The following MAP3K5 variants were observed in gnomAD, a reference collection of about 807,000 sequenced individuals.
MAP3K5 encodes ASK-1.
MAP3K5 carries 56 observed loss-of-function variants against 158.7 expected under a neutral mutation model. The observed-to-expected ratio is 0.35, with a 90% confidence interval of 0.28 to 0.44. The LOEUF (loss-of-function observed/expected upper bound fraction) is 0.44. MAP3K5 is among the 20% of genes least tolerant of loss of function. MAP3K5 has a pLI of 1.00. For missense variants in MAP3K5, 1,294 were observed against 1,674.8 expected, an observed-to-expected ratio of 0.77 and a Z score of 3.97; for synonymous variants, 579 against 601.7, an observed-to-expected ratio of 0.96 and a Z score of 0.55.
At chr6:136,679,319 T>G (rs966641817) in intron 7 of MAP3K5, among the ~76,000 whole-genome samples, 6 of 152,246 alleles carry the variant, frequency 3.9e-5, no homozygotes, top group Non-Finnish European at 7.3e-5. Flanking sequence ...GAATATGTAC[T>G]TTCCAACAAA....
At chr6:136,705,887 C>T (rs941472660) in intron 2 of MAP3K5, among the ~76,000 whole-genome samples, 4 of 151,944 alleles carry the variant, frequency 2.6e-5, no homozygotes, top group Non-Finnish European at 5.9e-5. Context: ...TATTGGCCAC[C>T]GGCAAATCCA....
At chr6:136,778,456 T>G (rs565649186) in intron 1 of MAP3K5, among the ~76,000 whole-genome samples, 3 of 152,210 alleles carry the variant, frequency 2.0e-5, no homozygotes, top group Non-Finnish European at 4.4e-5. Context: ...TAATCTTGCA[T>G]GTTGTAGGCT....
At chr6:136,626,153 T>C (rs1485217553) in intron 14 of MAP3K5, among the ~76,000 whole-genome samples, 1 of 152,176 alleles carries the variant, frequency 6.6e-6, no homozygotes, top group Non-Finnish European at 1.5e-5. Context: ...GGGTGGAGCA[T>C]GTCCCTACCA....
intron 8 of MAP3K5, among the ~76,000 whole-genome samples, chr6:136,660,301 C>A (rs1260527724): frequency 6.6e-6 from 1 of 151,984 alleles, no homozygotes; most frequent in African/African-American, 2.4e-5. Flanking sequence ...CCTGTAACCC[C>A]AGCACTTCGG....
intron 8 of MAP3K5, among the ~76,000 whole-genome samples, chr6:136,661,201 T>A (rs1394627661): frequency 6.6e-6 from 1 of 152,226 alleles, no homozygotes; most frequent in African/African-American, 2.4e-5. Context: ...AAATAACATT[T>A]AAAATTTTTC....
At position 136,605,274 on chromosome 6, in the gene MAP3K5, T is replaced by C. The variant is rs1776053608; in HGVS notation, c.2614A>G (p.Ile872Val). 2 of 1,614,170 alleles carry C rather than the reference T, an allele frequency of 1.2e-6. No homozygotes were observed. Among genetic ancestry groups the C allele is most frequent in the Non-Finnish European group, 8.5e-7 (1 of 1,179,986 alleles). ...ADIWSLGCTIIEMATGKPPFY... is the reference protein window; with the variant it reads ...ADIWSLGCTIVEMATGKPPFY... ...GGGGGTTTTCCTGTGGCCATTTCAA[T>C]GATTGTACAGCCCAGAGACCAGATG... is the stretch of plus-strand genomic sequence containing the variant. The change falls in exon 19 of 30, where the codon ATT becomes GTT. Residue 872 changes from isoleucine (I) to valine (V), a missense_variant. By Grantham distance (29) the Ile-to-Val change is conservative. Around this residue, in one of 5 missense-constraint regions of MAP3K5, gnomAD observed 362 missense variants for 463.2 expected, o/e 0.78. Coordinates refer to ENST00000359015, the MANE Select transcript of MAP3K5 (RefSeq NM_005923.4).
intron 7 of MAP3K5, among the ~76,000 whole-genome samples, chr6:136,680,191 G>C (rs1247076330): frequency 2.6e-5 from 4 of 152,056 alleles, no homozygotes; most frequent in Non-Finnish European, 5.9e-5. Context: ...GGAGAGAATG[G>C]GCAACTGTTG....
At chr6:136,763,985 T>A (rs1051705105) in intron 1 of MAP3K5, among the ~76,000 whole-genome samples, 6 of 152,184 alleles carry the variant, frequency 3.9e-5, no homozygotes. Flanking sequence ...CCCCTTGACC[T>A]TGGACTTCTC....
At chr6:136,723,068 T>G (rs1361004248) in intron 1 of MAP3K5, among the ~76,000 whole-genome samples, 1 of 152,096 alleles carries the variant, frequency 6.6e-6, no homozygotes, top group Non-Finnish European at 1.5e-5. Context: ...TGGAATTTAC[T>G]CTGAGAAAAT....
chr6:136,568,496 T>C (rs906174049), intron 25 of MAP3K5, among the ~76,000 whole-genome samples: 4 of 152,210 alleles, frequency 2.6e-5, no homozygotes, highest in Non-Finnish European at 4.4e-5. Flanking sequence ...TGACTAACCA[T>C]TGAAATTTAA....
chr6:136,637,372 T>G lies in MAP3K5; in HGVS notation c.1969A>C (p.Lys657Gln). Reference sequence around the variant, plus strand: ...TCTCCTTCCTCTGTGCTTCTCCCCTTCTCTTCGGTAATGGTGTTCACCATC... The same window carrying G: ...TCTCCTTCCTCTGTGCTTCTCCCCTGCTCTTCGGTAATGGTGTTCACCATC... The part of the protein sequence containing the change: ...FEMVNTITEE[K>Q]GRSTEEGDCE... Residue 657 changes from lysine (K) to glutamine (Q), a missense_variant, in exon 14 of 30, where the codon AAG (lysine) becomes CAG (glutamine). Physicochemically the swap from Lys to Gln is moderately conservative, Grantham distance 53. This residue lies in a region of MAP3K5 where 690 missense variants were observed against 870.5 expected (regional missense o/e 0.79). Coordinates refer to ENST00000359015, the MANE Select transcript of MAP3K5 (RefSeq NM_005923.4). 6.2e-7 allele frequency: 1 copy of G among 1,612,108 alleles called. No homozygotes were observed. The highest frequency in any genetic ancestry group is 8.5e-7 in the Non-Finnish European group (1 of 1,178,220).
At chr6:136,661,544 A>T (rs1779006358) in intron 8 of MAP3K5, among the ~76,000 whole-genome samples, 1 of 152,030 alleles carries the variant, frequency 6.6e-6, no homozygotes, top group South Asian at 2.1e-4. Context: ...TACAGGCATG[A>T]GCCACCACAC....
chr6:136,685,914 G>A (rs535020469), intron 7 of MAP3K5, among the ~76,000 whole-genome samples: 1 of 152,298 alleles, frequency 6.6e-6, no homozygotes, highest in Non-Finnish European at 1.5e-5. Context: ...GACAGGGCAG[G>A]TTTCCTTCTT....
At chr6:136,622,431 G>A (rs368949250) in intron 15 of MAP3K5, among the ~76,000 whole-genome samples, 4 of 152,242 alleles carry the variant, frequency 2.6e-5, no homozygotes, top group African/African-American at 7.2e-5. Flanking sequence ...CTTCACGGAC[G>A]AATCCAAGAA....
chr6:136,565,800 G>A (rs936961457), intron 26 of MAP3K5, among the ~76,000 whole-genome samples: 2 of 152,184 alleles, frequency 1.3e-5, no homozygotes, highest in African/African-American at 4.8e-5. Context: ...AATCATGCAT[G>A]AAGCAAACAT....
intron 1 of MAP3K5, among the ~76,000 whole-genome samples, chr6:136,723,429 T>C (rs980439649): frequency 2.6e-5 from 4 of 152,190 alleles, no homozygotes; most frequent in East Asian, 1.9e-4. Flanking sequence ...TTCATGTATA[T>C]ATCCATGTGC....
chr6:136,775,233 T>C (rs891271292), intron 1 of MAP3K5, among the ~76,000 whole-genome samples: 1 of 152,224 alleles, frequency 6.6e-6, no homozygotes, highest in African/African-American at 2.4e-5. Flanking sequence ...AACTAGGCAA[T>C]GTGCTGGATT....
At chr6:136,779,889 C>T (rs545887556) in intron 1 of MAP3K5, among the ~76,000 whole-genome samples, 3 of 152,130 alleles carry the variant, frequency 2.0e-5, no homozygotes, top group Non-Finnish European at 2.9e-5. Flanking sequence ...GACTAGGAAC[C>T]CTGGTTAAAG....
chr6:136,690,689 G>T (rs1356935210), intron 7 of MAP3K5, among the ~76,000 whole-genome samples: 1 of 152,078 alleles, frequency 6.6e-6, no homozygotes, highest in East Asian at 1.9e-4. Flanking sequence ...ATTTTGAGGA[G>T]TTATTTATAT....
Sources: allele counts gnomAD v4.1 joint callset (sites outside exome capture counted in the v4.1 genomes callset), GRCh38; gene constraint gnomAD v4.1.1; regional missense constraint gnomAD v4.1.1; transcripts MANE v1.5; gene names NCBI Gene and HGNC (gene_info 2026-07-23, HGNC 2026-07-21).